Variants in ASCC3 observed in about 807,000 individuals in gnomAD.
ASCC3 encodes activating signal cointegrator 1 complex subunit 3.
Under a neutral mutation model 256.3 loss-of-function variants are expected in ASCC3, and 158 were observed. The ratio of observed to expected loss-of-function variants is 0.62; its 90% CI spans 0.54 to 0.70. ASCC3 has a LOEUF of 0.70. Ranked by LOEUF, ASCC3 falls within the 30% of genes least tolerant of loss-of-function variation. The pLI, the probability that ASCC3 is intolerant of heterozygous loss-of-function variation, is 0.00. For missense variants in ASCC3, 2,259 were observed against 2,626.0 expected, an observed-to-expected ratio of 0.86 and a Z score of 3.05; for synonymous variants, 948 against 883.4, an observed-to-expected ratio of 1.07 and a Z score of -1.30.
intron 34 of ASCC3, among the ~76,000 whole-genome samples, chr6:100,593,606 T>A (rs777545432): frequency 1.3e-5 from 2 of 152,136 alleles, no homozygotes; most frequent in Non-Finnish European, 2.9e-5. Flanking sequence ...CTGTTTGGTT[T>A]ATGTAAACCT....
rs778284342 is a variant in ASCC3, at chr6:100,652,905, T to C, written c.2824-16A>G. 8 of 1,611,346 alleles carry C rather than the reference T, an allele frequency of 5.0e-6. No homozygotes were observed. Among genetic ancestry groups the C allele is most frequent in the South Asian group, 2.2e-5 (2 of 91,042 alleles). ...TTGGGTCAATCTATGGCAAAAAATATATAAACAGTTGAATAGTGCTTTAGA... is the reference window on the plus strand; with the variant it reads ...TTGGGTCAATCTATGGCAAAAAATACATAAACAGTTGAATAGTGCTTTAGA... On this transcript the variant is annotated splice_polypyrimidine_tract_variant and intron_variant, in intron 17 of 41. Coordinates refer to ENST00000369162, the MANE Select transcript of ASCC3 (RefSeq NM_006828.4).
chr6:100,679,601 T>G lies in ASCC3; in HGVS notation c.2286+17A>C, dbSNP rs763117022. Reference sequence around the variant, plus strand: ...GGCATGTTACATGCTTTAGTTCTTGTCCTCTTTGTTTCTTACCTGTTTTTC... The same window carrying G: ...GGCATGTTACATGCTTTAGTTCTTGGCCTCTTTGTTTCTTACCTGTTTTTC... On this transcript the variant is annotated intron_variant, in intron 14 of 41. Coordinates refer to ENST00000369162, the MANE Select transcript of ASCC3 (RefSeq NM_006828.4). The G allele has an allele frequency of 6.2e-7, 1 of 1,613,332 alleles. No individual in the cohort carries two copies. Among genetic ancestry groups the G allele is most frequent in the Non-Finnish European group, 8.5e-7 (1 of 1,179,522 alleles).
chr6:100,564,610 C>T (rs1770132175), intron 36 of ASCC3, among the ~76,000 whole-genome samples: 2 of 152,182 alleles, frequency 1.3e-5, no homozygotes, highest in African/African-American at 4.8e-5. Flanking sequence ...GCTACAATCA[C>T]TTCTTAGACA....
chr6:100,617,746 C>T (rs1329445437), intron 30 of ASCC3, among the ~76,000 whole-genome samples: 1 of 152,222 alleles, frequency 6.6e-6, no homozygotes, highest in Non-Finnish European at 1.5e-5. Flanking sequence ...CTCTCTTCTA[C>T]AGTGTTTTAG....
At chr6:100,830,401 T>G (rs1254996613) in intron 4 of ASCC3, among the ~76,000 whole-genome samples, 1 of 152,134 alleles carries the variant, frequency 6.6e-6, no homozygotes, top group Non-Finnish European at 1.5e-5. Context: ...ACCCACTACA[T>G]AGATATAACA....
At chr6:100,575,564 T>C (rs183186365) in intron 36 of ASCC3, among the ~76,000 whole-genome samples, 1 of 152,086 alleles carries the variant, frequency 6.6e-6, no homozygotes, top group Non-Finnish European at 1.5e-5. Flanking sequence ...AAATTTGGAA[T>C]AGTTCTATTT....
chr6:100,705,704 A>C (rs1759721245), intron 13 of ASCC3, among the ~76,000 whole-genome samples: 1 of 151,914 alleles, frequency 6.6e-6, no homozygotes, highest in Non-Finnish European at 1.5e-5. Context: ...GGAAAAATTC[A>C]ATTAGTTTAC....
At chr6:100,664,500 C>A (rs989725546) in intron 14 of ASCC3, among the ~76,000 whole-genome samples, 4 of 151,948 alleles carry the variant, frequency 2.6e-5, no homozygotes, top group African/African-American at 9.7e-5. Context: ...ACATTTTGAG[C>A]CTCTTAAGGG....
At chr6:100,824,993 A>G (rs185074243) in intron 4 of ASCC3, among the ~76,000 whole-genome samples, 122 of 152,324 alleles carry the variant, frequency 8.0e-4, no homozygotes, top group Admixed American at 1.6e-3. Context: ...ACAGTATGTT[A>G]AACACCCCAT....
intron 10 of ASCC3, among the ~76,000 whole-genome samples, chr6:100,753,160 C>G (rs1388451649): frequency 1.3e-5 from 2 of 151,712 alleles, no homozygotes; most frequent in Admixed American, 6.6e-5. Context: ...CATCAAAATC[C>G]TAAGTAACGT....
At chr6:100,655,226 T>C (rs1352638057) in intron 17 of ASCC3, among the ~76,000 whole-genome samples, 1 of 151,930 alleles carries the variant, frequency 6.6e-6, no homozygotes, top group Non-Finnish European at 1.5e-5. Context: ...TGGACTTGAA[T>C]AGTGGAACTG....
chr6:100,761,523 T>A (rs369167032), intron 10 of ASCC3, among the ~76,000 whole-genome samples: 24 of 152,234 alleles, frequency 1.6e-4, no homozygotes, highest in African/African-American at 5.1e-4. Context: ...AGAATAGAAC[T>A]GACAACCTAC....
intron 38 of ASCC3, among the ~76,000 whole-genome samples, chr6:100,516,863 T>TA (rs1328805176): frequency 1.3e-5 from 2 of 152,024 alleles, no homozygotes; most frequent in African/African-American, 4.8e-5. Flanking sequence ...ACAGCACTCT[T>TA]AAGAGTGCTG....
intron 10 of ASCC3, among the ~76,000 whole-genome samples, chr6:100,730,264 T>A (rs1779839703): frequency 6.6e-6 from 1 of 150,964 alleles, no homozygotes; most frequent in Non-Finnish European, 1.5e-5. Flanking sequence ...GCCACTGCAC[T>A]CCAGCCTGGG....
chr6:100,825,849 A>G (rs1460001789), intron 4 of ASCC3, among the ~76,000 whole-genome samples: 1 of 151,736 alleles, frequency 6.6e-6, no homozygotes, highest in African/African-American at 2.4e-5. Flanking sequence ...TATTTCATTA[A>G]GTTAATCTTC....
In ASCC3 at chr6:100,509,484, G is replaced by A; in HGVS notation, c.6511C>T (p.Gln2171Ter). 6.2e-7 allele frequency: 1 copy of A among 1,613,916 alleles called. No homozygotes were observed. The highest frequency in any genetic ancestry group is 8.5e-7 in the Non-Finnish European group (1 of 1,179,782). Residue 2171 changes from glutamine to a stop codon, truncating the protein, a stop_gained, in exon 42 of 42, where the codon CAG (glutamine) becomes TAG (stop). Transcript: ENST00000369162. LOFTEE classifies it high-confidence loss of function. The stretch of plus-strand genomic sequence containing the variant: ...ACGTTGAGATAGATGTCATACTGCT[G>A]GTCCAGGCCAAGGTAGCAGTCACTC... ...FMSDCYLGLDQQYDIYLNVTQ... is the reference protein window; with the variant it reads ...FMSDCYLGLD
chr6:100,737,349 G>A (rs1459618103), intron 10 of ASCC3, among the ~76,000 whole-genome samples: 6 of 152,034 alleles, frequency 3.9e-5, no homozygotes, highest in Non-Finnish European at 2.9e-5. Context: ...ATTAAGCCCA[G>A]CATCCCTTAG....
At chr6:100,617,668 CT>C (rs1316963904) in intron 30 of ASCC3, among the ~76,000 whole-genome samples, 1 of 152,140 alleles carries the variant, frequency 6.6e-6, no homozygotes, top group African/African-American at 2.4e-5. Flanking sequence ...TGGGTGTTTC[CT>C]GTGCTCTCCT....
In ASCC3 at chr6:100,867,967, G is replaced by A. The variant is rs767266213; in HGVS notation, c.31C>T (p.Arg11Cys). The A allele has an allele frequency of 9.3e-6, 15 of 1,613,596 alleles. No homozygotes were observed. The highest frequency in any genetic ancestry group is 2.2e-5 in the South Asian group (2 of 91,048). MALPRLTGAL[R>C]SFSNVTKQDN... ...TGCTTGGTGACATTTGAAAAGGAAC[G>A]CAAGGCTCCTGTGAGACGAGGTAAA... Residue 11 changes from arginine to cysteine, a missense_variant, in exon 2 of 42, where the codon CGT becomes TGT. Physicochemically the swap from Arg to Cys is radical, Grantham distance 180. Around this residue, in one of 2 missense-constraint regions of ASCC3, gnomAD observed 420 missense variants for 419.3 expected, o/e 1.00. Coordinates refer to ENST00000369162, the MANE Select transcript of ASCC3 (RefSeq NM_006828.4).
Sources: gnomAD v4.1 joint callset for allele counts (sites outside exome capture counted in the v4.1 genomes callset) on GRCh38, gnomAD v4.1.1 for gene constraint, gnomAD v4.1.1 regional missense constraint, MANE v1.5 for transcripts, NCBI Gene and HGNC (gene_info 2026-07-23, HGNC 2026-07-21) for gene names.